NEGR1: variants seen among roughly 807,000 people sequenced by gnomAD.
NEGR1 encodes IgLON family member 4.
Under a neutral mutation model 40.9 loss-of-function variants are expected in NEGR1, and 10 were observed. That is an observed-to-expected ratio of 0.24 (90% CI 0.15 to 0.42). NEGR1 has a LOEUF of 0.42. Among genes scored for constraint, NEGR1 ranks in the 10% least tolerant of loss-of-function variants. The pLI is 1.00. For synonymous variants in NEGR1, 185 were observed against 166.8 expected, an observed-to-expected ratio of 1.11 and a Z score of -0.84; for missense variants, 352 against 438.9, an observed-to-expected ratio of 0.80 and a Z score of 1.77.
chr1:71,789,664 C>G (rs1004404468), intron 2 of NEGR1, among the ~76,000 whole-genome samples: 2 of 152,036 alleles, frequency 1.3e-5, no homozygotes, highest in Admixed American at 6.6e-5. Flanking sequence ...TTTCTTGATG[C>G]TATCAGATTC....
At chr1:72,140,224 T>TTTTTTG (rs1650619613) in intron 1 of NEGR1, among the ~76,000 whole-genome samples, 2 of 150,602 alleles carry the variant, frequency 1.3e-5, no homozygotes, top group Non-Finnish European at 3.0e-5. Flanking sequence ...GATAACTGTT[T>TTTTTTG]TTGTTGTTGT....
chr1:71,734,309 G>A (rs1344242652), intron 3 of NEGR1, among the ~76,000 whole-genome samples: 1 of 152,124 alleles, frequency 6.6e-6, no homozygotes, highest in African/African-American at 2.4e-5. Flanking sequence ...CTCCCTAGCA[G>A]GTACTTTGGG....
At chr1:71,721,737 C>A (rs1292270216) in intron 3 of NEGR1, among the ~76,000 whole-genome samples, 1 of 152,044 alleles carries the variant, frequency 6.6e-6, no homozygotes, top group Non-Finnish European at 1.5e-5. Context: ...GGCCACATTG[C>A]CCCCGATGGA....
At chr1:71,688,629 G>A (rs1463819643) in intron 4 of NEGR1, among the ~76,000 whole-genome samples, 1 of 151,366 alleles carries the variant, frequency 6.6e-6, no homozygotes, top group East Asian at 2.0e-4. Flanking sequence ...ACTAATTTTT[G>A]TATCTTTAGT....
chr1:72,208,934 TA>T (rs1290801800), intron 1 of NEGR1, among the ~76,000 whole-genome samples: 2 of 151,590 alleles, frequency 1.3e-5, no homozygotes, highest in African/African-American at 4.8e-5. Flanking sequence ...ATTCATCAGT[TA>T]AAAAAATAGA....
chr1:71,407,355 T>C lies in NEGR1; in HGVS notation c.*91A>G. 1 of 1,204,248 alleles carries C rather than the reference T, an allele frequency of 8.3e-7. No individual in the cohort carries two copies. The highest frequency in any genetic ancestry group is 1.2e-6 in the Non-Finnish European group (1 of 835,794). The allele number at this position is 1,204,248 out of a possible 1,614,324, so 74.6% of individuals were successfully genotyped here. A position where few individuals can be genotyped will look rare whatever the true frequency, so the allele number is the denominator to read the frequency against. ...CCCCATGTAAGCACTGCTGATTATA[T>C]CCCACGCTGCTTTTAACAAACTGTA... is the stretch of plus-strand genomic sequence containing the variant. On this transcript the variant is annotated 3_prime_UTR_variant, in exon 7 of 7. Coordinates refer to ENST00000357731, the MANE Select transcript of NEGR1 (RefSeq NM_173808.3).
At chr1:71,513,737 T>C (rs1647093928) in intron 6 of NEGR1, among the ~76,000 whole-genome samples, 1 of 152,056 alleles carries the variant, frequency 6.6e-6, no homozygotes, top group Non-Finnish European at 1.5e-5. Flanking sequence ...ACAGCTCCGG[T>C]GAACAGCTCC....
At chr1:72,144,670 A>G (rs1177645507) in intron 1 of NEGR1, among the ~76,000 whole-genome samples, 1 of 152,016 alleles carries the variant, frequency 6.6e-6, no homozygotes, top group Admixed American at 6.6e-5. Flanking sequence ...CAAAGACACA[A>G]TCTCACTTCT....
intron 2 of NEGR1, among the ~76,000 whole-genome samples, chr1:71,929,517 G>A (rs17516887): frequency 0.027 from 4,100 of 152,116 alleles, 80 homozygotes; most frequent in Non-Finnish European, 0.042. Context: ...AACAGACTAG[G>A]ATCCAATATG....
chr1:71,483,232 G>GA (rs199541210), intron 6 of NEGR1, among the ~76,000 whole-genome samples: 75 of 147,340 alleles, frequency 5.1e-4, no homozygotes, highest in East Asian at 1.6e-3. Context: ...GTGGCAAACA[G>GA]AAAAAAAAAA....
At chr1:72,282,136 C>G (rs1410035683) in intron 1 of NEGR1, among the ~76,000 whole-genome samples, 183 bp downstream of exon 1, 2 of 152,162 alleles carry the variant, frequency 1.3e-5, no homozygotes, top group Non-Finnish European at 2.9e-5. Context: ...AGCTTGCTAC[C>G]TGCCCCAGCA....
At chr1:72,116,650 TTTGC>T (rs1457555031) in intron 1 of NEGR1, among the ~76,000 whole-genome samples, 1 of 151,682 alleles carries the variant, frequency 6.6e-6, no homozygotes, top group Non-Finnish European at 1.5e-5. Context: ...GTAGTTTTAA[TTTGC>T]TTTATGTGTA....
chr1:71,803,257 G>A (rs1191848352), intron 2 of NEGR1, among the ~76,000 whole-genome samples: 3 of 152,116 alleles, frequency 2.0e-5, no homozygotes, highest in Non-Finnish European at 4.4e-5. Context: ...ATGGCCATGT[G>A]AGGACACAAC....
At chr1:71,731,726 C>A (rs1056497732) in intron 3 of NEGR1, among the ~76,000 whole-genome samples, 1 of 152,132 alleles carries the variant, frequency 6.6e-6, no homozygotes, top group Non-Finnish European at 1.5e-5. Flanking sequence ...AGATGCAACA[C>A]TGATATATTG....
chr1:71,792,445 C>T (rs751813160), intron 2 of NEGR1, among the ~76,000 whole-genome samples: 1 of 152,122 alleles, frequency 6.6e-6, no homozygotes, highest in Non-Finnish European at 1.5e-5. Context: ...TTTCACCAAA[C>T]AGCTAAACCC....
chr1:71,480,567 A>T (rs1646848228), intron 6 of NEGR1, among the ~76,000 whole-genome samples: 1 of 151,902 alleles, frequency 6.6e-6, no homozygotes, highest in Non-Finnish European at 1.5e-5. Context: ...CAGTGATGGC[A>T]TACAGTAGAT....
chr1:71,721,347 G>T (rs1442670287), intron 3 of NEGR1, among the ~76,000 whole-genome samples: 1 of 152,110 alleles, frequency 6.6e-6, no homozygotes, highest in Non-Finnish European at 1.5e-5. Context: ...TTTAATGGAA[G>T]ATGTGGTTGG....
At position 72,056,062 on chromosome 1, in the gene NEGR1, G is replaced by C. The variant is rs750505799; in HGVS notation, c.177-120751C>G. ...ATTTCTTATTATTCTTGCCAAATTG[G>C]TAAATCAGTTAGCTCTCTGAGAGAT... On this transcript the variant is annotated intron_variant, in intron 1 of 6. Coordinates refer to ENST00000357731, the MANE Select transcript of NEGR1 (RefSeq NM_173808.3). Among the ~76,000 whole-genome samples, 5 of 150,818 alleles carry C rather than the reference G, an allele frequency of 3.3e-5. No homozygotes were observed. In the East Asian group the frequency reaches 9.7e-4, roughly 29 times the overall value.
chr1:71,656,101 G>A (rs191835481), intron 4 of NEGR1, among the ~76,000 whole-genome samples: 82 of 152,272 alleles, frequency 5.4e-4, no homozygotes, highest in African/African-American at 1.9e-3. Flanking sequence ...TTAAGAGCCA[G>A]AAATGAGTTC....
Sources: gnomAD v4.1 joint callset for allele counts (sites outside exome capture counted in the v4.1 genomes callset) on GRCh38, gnomAD v4.1.1 for gene constraint, MANE v1.5 for transcripts, NCBI Gene and HGNC (gene_info 2026-07-23, HGNC 2026-07-21) for gene names.